TEX26: variants seen among roughly 807,000 people sequenced by gnomAD.
TEX26 encodes testis-expressed protein 26.
In TEX26, 34 loss-of-function variants were observed where a neutral mutation model predicts 35.3. The ratio of observed to expected loss-of-function variants is 0.96; its 90% CI spans 0.73 to 1.28. TEX26 has a LOEUF of 1.28. Among genes scored for constraint, TEX26 ranks in the 50% most tolerant of loss-of-function variants. The pLI, the probability that TEX26 is intolerant of heterozygous loss-of-function variation, is 0.00. For synonymous variants in TEX26, 136 were observed against 111.8 expected (o/e 1.22, Z -1.36); for missense variants, 371 against 330.1 (o/e 1.12, Z -0.96).
At position 30,966,320 on chromosome 13, in the gene TEX26, G is replaced by A. The variant is rs1383327009; in HGVS notation, c.568G>A (p.Ala190Thr). 6.2e-7 allele frequency: 1 copy of A among 1,613,840 alleles called. No individual in the cohort carries two copies. Among genetic ancestry groups the A allele is most frequent in the Non-Finnish European group, 8.5e-7 (1 of 1,179,970 alleles). Residue 190 changes from alanine (A) to threonine (T), a missense_variant, in exon 5 of 7, where the codon GCT becomes ACT. Physicochemically the swap from Ala to Thr is moderately conservative, Grantham distance 58. Transcript: ENST00000380473. ...ATTCCGAAGGAATTACCAAATTCCA[G>A]CTAAAATTCCTGAGCTTCAAGATTT... ...TEFRRNYQIP[A>T]KIPELQDFSF...
chr13:30,963,595 T>C (rs1372492880), intron 4 of TEX26, among the ~76,000 whole-genome samples: 1 of 152,234 alleles, frequency 6.6e-6, no homozygotes, highest in Non-Finnish European at 1.5e-5. Context: ...CAGATATTAA[T>C]TGCTAATCCA....
chr13:30,972,289 A>G (rs1954739257), intron 6 of TEX26, among the ~76,000 whole-genome samples: 1 of 152,240 alleles, frequency 6.6e-6, no homozygotes, highest in Non-Finnish European at 1.5e-5. Context: ...ATGAATTTGC[A>G]TTTATACATA....
At chr13:30,945,507 T>C (rs1417686089) in intron 2 of TEX26, among the ~76,000 whole-genome samples, 1 of 151,968 alleles carries the variant, frequency 6.6e-6, no homozygotes, top group Non-Finnish European at 1.5e-5. Flanking sequence ...GCTACCTAGA[T>C]ACTTTGTTTT....
At chr13:30,969,284 ACTCATTTCTGTT>A (rs1198572412) in intron 6 of TEX26, among the ~76,000 whole-genome samples, 1 of 152,004 alleles carries the variant, frequency 6.6e-6, no homozygotes, top group Non-Finnish European at 1.5e-5. Context: ...ACAGCTTTTC[ACTCATTTCTGTT>A]CTCATTTTGC....
intron 2 of TEX26, among the ~76,000 whole-genome samples, chr13:30,947,554 G>A (rs1485369888): frequency 2.0e-5 from 3 of 152,002 alleles, no homozygotes; most frequent in African/African-American, 4.8e-5. Flanking sequence ...AAGATGATTT[G>A]TCCTCCATTC....
intron 2 of TEX26, among the ~76,000 whole-genome samples, chr13:30,947,258 C>T (rs1481386368): frequency 1.3e-5 from 2 of 151,980 alleles, no homozygotes; most frequent in African/African-American, 4.8e-5. Flanking sequence ...CAATTAGTTC[C>T]TATATCTAGT....
At chr13:30,952,542 A>G (rs1040275946) in intron 2 of TEX26, 118 bp from the exon 3 acceptor site, 1 of 802,354 alleles carries the variant, frequency 1.2e-6, no homozygotes. Flanking sequence ...TCTGGCACCA[A>G]CTCTTATGCC....
chr13:30,958,580 T>A (rs1437326967), intron 4 of TEX26, among the ~76,000 whole-genome samples: 1 of 152,108 alleles, frequency 6.6e-6, no homozygotes, highest in Non-Finnish European at 1.5e-5. Flanking sequence ...GAATGACACA[T>A]CTCTCAAGGT....
At position 30,932,869 on chromosome 13, in the gene TEX26, G is replaced by C; in HGVS notation, c.61+93G>C. 9 of 1,417,022 alleles carry C rather than the reference G, an allele frequency of 6.4e-6. 1 individual carries two copies. The South Asian group carries it at 1.1e-4, about 18-fold the overall frequency. The allele number at this position is 1,417,022 out of a possible 1,614,324, so 87.8% of individuals were successfully genotyped here. On this transcript the variant is annotated intron_variant, in intron 1 of 6. Coordinates refer to ENST00000380473, the MANE Select transcript of TEX26 (RefSeq NM_152325.3). The stretch of plus-strand genomic sequence containing the variant: ...GAGAAAAAGGGGCCTTAGTATTTAA[G>C]GGTGTGGCATCGCTCTTAGGAGTAT...
At chr13:30,968,846 C>T in intron 5 of TEX26, 39 bp from the exon 6 acceptor site, 2 of 1,592,330 alleles carry the variant, frequency 1.3e-6, no homozygotes, top group Non-Finnish European at 1.7e-6. Context: ...TGCTTGGGTG[C>T]CAGCCTTCCG....
chr13:30,949,955 TA>T (rs765753893), intron 2 of TEX26, among the ~76,000 whole-genome samples: 36 of 152,334 alleles, frequency 2.4e-4, no homozygotes, highest in Admixed American at 2.6e-4. Flanking sequence ...TTTTACAACA[TA>T]AAATGAAAAT....
Position 30,975,128 on chromosome 13 carries a change from T to G in TEX26, c.*221T>G. 1 of 337,380 alleles carries G rather than the reference T, an allele frequency of 3.0e-6. No homozygotes were observed. The highest frequency in any genetic ancestry group is 5.3e-6 in the Non-Finnish European group (1 of 187,640). The allele number at this position is 337,380 out of a possible 1,614,324, so 20.9% of individuals were successfully genotyped here. A position where few individuals can be genotyped will look rare whatever the true frequency, so the allele number is the denominator to read the frequency against. On this transcript the variant is annotated 3_prime_UTR_variant, in exon 7 of 7. Transcript: ENST00000380473. Reference sequence around the variant, plus strand: ...ATAGCTTTAGCTGTATCCAATAGTTTTTGATACAATGTTTTTTTCTTTTCC... The same window carrying G: ...ATAGCTTTAGCTGTATCCAATAGTTGTTGATACAATGTTTTTTTCTTTTCC...
At chr13:30,974,095 T>A (rs1954798192) in intron 6 of TEX26, among the ~76,000 whole-genome samples, 1 of 134,594 alleles carries the variant, frequency 7.4e-6, no homozygotes, top group Non-Finnish European at 1.6e-5. Flanking sequence ...CCCTCCAGCC[T>A]GGGCAATAGA....
chr13:30,946,386 T>C (rs1356118797), intron 2 of TEX26, among the ~76,000 whole-genome samples: 1 of 151,920 alleles, frequency 6.6e-6, no homozygotes, highest in Non-Finnish European at 1.5e-5. Flanking sequence ...TTTCACCTTC[T>C]TCCGGTATCT....
chr13:30,934,587 A>G (rs1331848), intron 1 of TEX26, among the ~76,000 whole-genome samples: 52,773 of 151,986 alleles, frequency 0.35, 9,193 homozygotes, highest in East Asian at 0.45. Context: ...AGTGGTCCTT[A>G]CGTCTTCCAG....
At chr13:30,949,013 C>T (rs1953823149) in intron 2 of TEX26, among the ~76,000 whole-genome samples, 1 of 152,252 alleles carries the variant, frequency 6.6e-6, no homozygotes, top group Non-Finnish European at 1.5e-5. Flanking sequence ...TTCCCCATTG[C>T]TTGTTTTTGT....
In TEX26 at chr13:30,939,769, C is replaced by A. The variant is rs978270696; in HGVS notation, c.137C>A (p.Ala46Asp). The change falls in exon 2 of 7, where the codon GCC (alanine) becomes GAC (aspartate). Residue 46 changes from alanine (A) to aspartate (D), a missense_variant. By Grantham distance (126) the Ala-to-Asp change is moderately radical (BLOSUM62 -2). Transcript: ENST00000380473. Reference protein sequence around the residue: ...AFTPKTGAVPALIRQNGIRRL... With the variant: ...AFTPKTGAVPDLIRQNGIRRL... ...ACGCCTAAAACAGGAGCAGTGCCTG[C>A]CTTAATTCGGTAGATCATTATTTGT... 11 of 1,613,582 alleles carry A rather than the reference C, an allele frequency of 6.8e-6. No homozygotes were observed. Among genetic ancestry groups the A allele is most frequent in the Non-Finnish European group, 9.3e-6 (11 of 1,179,552 alleles).
rs1203293583 is a variant in TEX26 at position 30,945,620 on chromosome 13, A to G, written c.146+5842A>G. ...TAGAACTCCTTTTAGCATTTCTTGT[A>G]GGGCTGGTCTGGTAGTGACAAATTC... On this transcript the variant is annotated intron_variant, in intron 2 of 6. Transcript: ENST00000380473. Among the ~76,000 whole-genome samples, 4 of 151,978 alleles carry G rather than the reference A, an allele frequency of 2.6e-5. No individual in the cohort carries two copies. In the East Asian group the frequency reaches 7.7e-4, roughly 29 times the overall value.
At chr13:30,945,284 T>TC (rs1250058534) in intron 2 of TEX26, among the ~76,000 whole-genome samples, 2 of 152,068 alleles carry the variant, frequency 1.3e-5, no homozygotes, top group Non-Finnish European at 2.9e-5. Flanking sequence ...GCTTTAGGTT[T>TC]CCATTTGCAT....
Sources: gnomAD v4.1 joint callset for allele counts (sites outside exome capture counted in the v4.1 genomes callset) on GRCh38, gnomAD v4.1.1 for gene constraint, MANE v1.5 for transcripts, NCBI Gene and HGNC (gene_info 2026-07-23, HGNC 2026-07-21) for gene names.